The following TNFRSF10A variants were observed in gnomAD, a reference collection of about 807,000 sequenced individuals.
TNFRSF10A encodes TNF receptor superfamily member 10a.
Under a neutral mutation model 42.8 loss-of-function variants are expected in TNFRSF10A, and 44 were observed. The observed-to-expected ratio is 1.03, with a 90% CI of 0.81 to 1.32. The LOEUF is 1.32. Among genes scored for constraint, TNFRSF10A ranks in the 40% most tolerant of loss-of-function variants. TNFRSF10A has a pLI of 0.00. For synonymous variants in TNFRSF10A, 259 were observed against 234.2 expected, an observed-to-expected ratio of 1.11 and a Z score of -0.97; for missense variants, 680 against 602.0, an observed-to-expected ratio of 1.13 and a Z score of -1.36.
chr8:23,192,787 A>G (rs1444899350), intron 9 of TNFRSF10A, among the ~76,000 whole-genome samples: 1 of 152,234 alleles, frequency 6.6e-6, no homozygotes, highest in African/African-American at 2.4e-5. Flanking sequence ...TGTCCCATAG[A>G]AAGGTTTTTT....
At chr8:23,202,078 G>T (rs1800937220) in intron 3 of TNFRSF10A, among the ~76,000 whole-genome samples, 159 bp from the exon 4 acceptor site, 1 of 152,136 alleles carries the variant, frequency 6.6e-6, no homozygotes, top group Non-Finnish European at 1.5e-5. Flanking sequence ...GCTCACACAG[G>T]ACACCCACCC....
intron 3 of TNFRSF10A, among the ~76,000 whole-genome samples, chr8:23,202,276 G>A (rs764669021): frequency 6.6e-6 from 1 of 152,222 alleles, no homozygotes; most frequent in South Asian, 2.1e-4. Context: ...CTGAGGAAGA[G>A]GGAGGCGCCT....
At chr8:23,224,640 A>T (rs1801308362) in intron 1 of TNFRSF10A, 116 bp downstream of exon 1, 6 of 1,344,546 alleles carry the variant, frequency 4.5e-6, no homozygotes, top group Non-Finnish European at 6.0e-6. Context: ...TCCTGCCCGG[A>T]CATGCCCCGC....
intron 1 of TNFRSF10A, among the ~76,000 whole-genome samples, chr8:23,223,431 T>G (rs1182268345): frequency 6.6e-6 from 1 of 152,216 alleles, no homozygotes; most frequent in Admixed American, 6.5e-5. Context: ...TTCAGATGTT[T>G]CACCTTGTCT....
intron 2 of TNFRSF10A, 135 bp from the exon 3 acceptor site, chr8:23,202,896 G>C (rs1287191883): frequency 3.2e-6 from 2 of 623,966 alleles, no homozygotes; most frequent in Non-Finnish European, 5.9e-6. Flanking sequence ...GCTTGGTCTT[G>C]TCGTCAATTC....
chr8:23,192,473 G>A (rs938900806), intron 9 of TNFRSF10A, among the ~76,000 whole-genome samples: 6 of 152,174 alleles, frequency 3.9e-5, no homozygotes, highest in Non-Finnish European at 7.4e-5. Flanking sequence ...CCCTCCCTGA[G>A]GCTGGGGCAG....
chr8:23,209,850 G>A (rs1195646328), intron 2 of TNFRSF10A, among the ~76,000 whole-genome samples: 2 of 152,216 alleles, frequency 1.3e-5, no homozygotes, highest in Admixed American at 6.5e-5. Context: ...TTGGGGGACT[G>A]TTGGGAAGGC....
intron 1 of TNFRSF10A, 119 bp downstream of exon 1, chr8:23,224,637 C>T (rs1178846753): frequency 3.0e-6 from 4 of 1,327,884 alleles, no homozygotes; most frequent in Admixed American, 2.8e-5. Flanking sequence ...TCCTCCTGCC[C>T]GGACATGCCC....
intron 6 of TNFRSF10A, among the ~76,000 whole-genome samples, 180 bp downstream of exon 6, chr8:23,200,325 G>A (rs956897137): frequency 7.2e-5 from 11 of 152,222 alleles, no homozygotes; most frequent in Middle Eastern, 3.4e-3. Context: ...GGAGAGGGAC[G>A]GATGACACCA....
rs1800755995 is a variant in TNFRSF10A, at chr8:23,191,724, A to G, written c.1377T>C (p.Asp459=). The change falls in exon 10 of 10, where the codon GAT becomes GAC. Residue 459 remains aspartate, a synonymous_variant. Coordinates refer to ENST00000221132, the MANE Select transcript of TNFRSF10A (RefSeq NM_003844.4). ...VDSGKFIYLE[D]GTGSAVSLE ...CCAAGGACACGGCAGAGCCTGTGCC[A>G]TCTTCTAAGTAGATGAACTTTCCAG... 1.9e-6 allele frequency: 3 copies of G among 1,614,086 alleles called. No homozygotes were observed. Among genetic ancestry groups the G allele is most frequent in the South Asian group, 1.1e-5 (1 of 91,072 alleles).
intron 1 of TNFRSF10A, among the ~76,000 whole-genome samples, chr8:23,216,902 A>T (rs1801191784): frequency 6.6e-6 from 1 of 152,086 alleles, no homozygotes; most frequent in African/African-American, 2.4e-5. Flanking sequence ...CATATTTTAT[A>T]TTATTTTGTT....
At chr8:23,218,951 G>C (rs1801221004) in intron 1 of TNFRSF10A, among the ~76,000 whole-genome samples, 1 of 152,216 alleles carries the variant, frequency 6.6e-6, no homozygotes, top group South Asian at 2.1e-4. Flanking sequence ...ACATGCTGTT[G>C]TTAGTACAAT....
chr8:23,207,092 C>T (rs1263188120), intron 2 of TNFRSF10A: 5 of 543,828 alleles, frequency 9.2e-6, no homozygotes, highest in Admixed American at 8.4e-5. Context: ...AGAGCACCCC[C>T]AGGAGAAACA....
rs1487646062 is a variant in TNFRSF10A at position 23,202,340 on chromosome 8, G to A, written c.517+308C>T. ...AACCTGCCAGGAGCACACAGCCCAG[G>A]GGGAGCGTGGCCCCAGAGCAGACCC... On this transcript the variant is annotated intron_variant, in intron 3 of 9. Coordinates refer to ENST00000221132, the MANE Select transcript of TNFRSF10A (RefSeq NM_003844.4). 7.9e-5 allele frequency among the ~76,000 whole-genome samples: 12 copies of A among 152,170 alleles called. No homozygotes were observed. In the East Asian group the frequency reaches 2.3e-3, roughly 29 times the overall value.
At chr8:23,212,573 T>C (rs1450395936) in intron 1 of TNFRSF10A, among the ~76,000 whole-genome samples, 1 of 152,240 alleles carries the variant, frequency 6.6e-6, no homozygotes, top group East Asian at 1.9e-4. Flanking sequence ...CTTTCCATTG[T>C]GTGTATATGT....
At chr8:23,221,022 G>T (rs1801248771) in intron 1 of TNFRSF10A, among the ~76,000 whole-genome samples, 1 of 152,198 alleles carries the variant, frequency 6.6e-6, no homozygotes, top group South Asian at 2.1e-4. Flanking sequence ...TTGAAGTCTG[G>T]CTCCTCTGTT....
At chr8:23,199,195 G>T (rs1029320277) in intron 8 of TNFRSF10A, 71 bp downstream of exon 8, 61 of 1,554,994 alleles carry the variant, frequency 3.9e-5, no homozygotes, top group Non-Finnish European at 5.2e-5. Context: ...CTTCCCCTTT[G>T]ACCAGGAGAG....
At chr8:23,201,772 T>C in intron 4 of TNFRSF10A, 36 bp downstream of exon 4, 1 of 1,597,892 alleles carries the variant, frequency 6.3e-7, no homozygotes, top group Non-Finnish European at 8.6e-7. Flanking sequence ...TGTGGGTTCT[T>C]TGAGGCTGCT....
rs541059282 is a variant in TNFRSF10A at position 23,212,588 on chromosome 8, C to G, written c.307-376G>C. Among the ~76,000 whole-genome samples the G allele has an allele frequency of 2.9e-4, 44 of 152,316 alleles. 1 individual carries two copies. Among genetic ancestry groups the G allele is most frequent in the African/African-American group, 1.1e-3 (44 of 41,564 alleles). On this transcript the variant is annotated intron_variant, in intron 1 of 9. Coordinates refer to ENST00000221132, the MANE Select transcript of TNFRSF10A (RefSeq NM_003844.4). ...CTTTCCATTGTGTGTATATGTATTA[C>G]GTTTATCCATTCATCTGTCAATGGG...
Sources: gnomAD v4.1 joint callset for allele counts (sites outside exome capture counted in the v4.1 genomes callset) on GRCh38, gnomAD v4.1.1 for gene constraint, MANE v1.5 for transcripts, NCBI Gene and HGNC (gene_info 2026-07-23, HGNC 2026-07-21) for gene names.